The following PIK3R3 variants were observed in gnomAD, a reference collection of about 807,000 sequenced individuals.
The protein encoded by PIK3R3 is phosphatidylinositol 3-kinase regulatory subunit gamma.
Under a neutral mutation model 62.9 loss-of-function variants are expected in PIK3R3, and 64 were observed. The ratio of observed to expected loss-of-function variants is 1.02; its 90% CI spans 0.83 to 1.25. The LOEUF is 1.25. Ranked by LOEUF, PIK3R3 falls within the 50% of genes most tolerant of loss-of-function variation. The pLI, the probability that PIK3R3 is intolerant of heterozygous loss-of-function variation, is 0.00. For synonymous variants in PIK3R3, 165 were observed against 189.0 expected (o/e 0.87, Z 1.04); for missense variants, 614 against 561.6 (o/e 1.09, Z -0.94).
At chr1:46,172,852 G>A in the PIK3R3 span, among the ~76,000 whole-genome samples, 1 of 151,962 alleles carries the variant, frequency 6.6e-6, no homozygotes, top group Non-Finnish European at 1.5e-5. Context: ...AATTAGCCAG[G>A]CATGGTGGCA....
chr1:46,088,794 T>C (rs1192287562), intron 1 of PIK3R3, among the ~76,000 whole-genome samples: 1 of 145,892 alleles, frequency 6.9e-6, no homozygotes, highest in Non-Finnish European at 1.5e-5. Flanking sequence ...ACACAATGAA[T>C]GAAAAAGATC....
the PIK3R3 span, among the ~76,000 whole-genome samples, chr1:46,166,532 T>A: frequency 6.6e-6 from 1 of 152,040 alleles, no homozygotes; most frequent in East Asian, 1.9e-4. Flanking sequence ...CATACAAGCT[T>A]TTTACACCAC....
chr1:46,055,651 A>G, intron 7 of PIK3R3, 144 bp downstream of exon 7: 1 of 624,010 alleles, frequency 1.6e-6, no homozygotes, highest in Non-Finnish European at 2.8e-6. Flanking sequence ...ACAACTACCA[A>G]GGACACTTTC....
At chr1:46,157,040 C>A in the PIK3R3 span, among the ~76,000 whole-genome samples, 17 of 152,196 alleles carry the variant, frequency 1.1e-4, no homozygotes, top group Non-Finnish European at 2.2e-4. Flanking sequence ...GAACAGTCAC[C>A]TATGTTCAAG....
chr1:46,062,057 C>T lies in PIK3R3; in HGVS notation c.636G>A (p.Lys212=), dbSNP rs994258335. The change falls in exon 6 of 10, where the codon AAG becomes AAA. Residue 212 remains lysine (K), a synonymous_variant. Transcript: ENST00000262741. ...YTRTSQEIQM[K]RTAIEAFNET... is the part of the protein sequence containing the mutation. ...CATTAAAAGCTTCTATTGCAGTCCTCTTCATCTGTATTTCCTACAGGAGAG... is the reference window on the plus strand; with the variant it reads ...CATTAAAAGCTTCTATTGCAGTCCTTTTCATCTGTATTTCCTACAGGAGAG... 2 of 1,608,736 alleles carry T rather than the reference C, an allele frequency of 1.2e-6. No homozygotes were observed. The highest frequency in any genetic ancestry group is 1.3e-5 in the African/African-American group (1 of 74,612).
intron 1 of PIK3R3, among the ~76,000 whole-genome samples, chr1:46,082,340 G>T (rs1650675321): frequency 6.6e-6 from 1 of 152,168 alleles, no homozygotes; most frequent in Non-Finnish European, 1.5e-5. Context: ...CAATGTACAG[G>T]TCATGAGGGT....
chr1:46,108,930 C>T (rs371867385), intron 1 of PIK3R3, among the ~76,000 whole-genome samples: 1 of 152,148 alleles, frequency 6.6e-6, no homozygotes, highest in African/African-American at 2.4e-5. Context: ...GAGGCCAAGG[C>T]GGGCGGATCA....
chr1:46,156,743 A>C, the PIK3R3 span, among the ~76,000 whole-genome samples: 3 of 152,138 alleles, frequency 2.0e-5, no homozygotes, highest in Admixed American at 6.5e-5. Context: ...TAGCTGTCCA[A>C]ACCCACACTC....
At chr1:46,128,152 A>G (rs1233319844) in intron 1 of PIK3R3, among the ~76,000 whole-genome samples, 1 of 152,214 alleles carries the variant, frequency 6.6e-6, no homozygotes, top group East Asian at 1.9e-4. Flanking sequence ...TTAAGATGAA[A>G]GGCTAGGCAT....
At chr1:46,165,308 T>C in the PIK3R3 span, among the ~76,000 whole-genome samples, 223 of 148,994 alleles carry the variant, frequency 1.5e-3, no homozygotes, top group Middle Eastern at 3.4e-3. Context: ...TCTTCTTCTT[T>C]TTTTTTTTTT....
intron 1 of PIK3R3, among the ~76,000 whole-genome samples, chr1:46,092,111 A>G (rs1423940703): frequency 6.6e-6 from 1 of 152,128 alleles, no homozygotes; most frequent in Non-Finnish European, 1.5e-5. Context: ...ATTTGTCAAA[A>G]CTCAAAGAAC....
At chr1:46,050,138 A>T (rs1370323353) in intron 7 of PIK3R3, among the ~76,000 whole-genome samples, 1 of 151,624 alleles carries the variant, frequency 6.6e-6, no homozygotes, top group African/African-American at 2.4e-5. Flanking sequence ...AAAAAAAAAA[A>T]AATGAGGAAT....
chr1:46,081,017 T>C (rs967710688), intron 1 of PIK3R3, among the ~76,000 whole-genome samples: 2 of 152,140 alleles, frequency 1.3e-5, no homozygotes, highest in Non-Finnish European at 1.5e-5. Context: ...AAAGACAACA[T>C]GCAACCCCTT....
chr1:46,062,544 C>G (rs1648603626), intron 5 of PIK3R3, among the ~76,000 whole-genome samples: 1 of 151,488 alleles, frequency 6.6e-6, no homozygotes, highest in Non-Finnish European at 1.5e-5. Flanking sequence ...CACTGCACTC[C>G]AGCCTGGGCG....
At chr1:46,116,486 C>A (rs991630677) in intron 1 of PIK3R3, among the ~76,000 whole-genome samples, 1 of 152,190 alleles carries the variant, frequency 6.6e-6, no homozygotes, top group East Asian at 1.9e-4. Context: ...GCACCGCATG[C>A]TAGCTTGGGT....
chr1:46,152,546 A>T, the PIK3R3 span, among the ~76,000 whole-genome samples: 1 of 149,870 alleles, frequency 6.7e-6, no homozygotes, highest in African/African-American at 2.5e-5. Flanking sequence ...CTTGGATTGT[A>T]CGCTGATTAA....
At chr1:46,144,902 A>G in the PIK3R3 span, among the ~76,000 whole-genome samples, 1 of 152,036 alleles carries the variant, frequency 6.6e-6, no homozygotes, top group Non-Finnish European at 1.5e-5. Context: ...AGGCGGGTAG[A>G]TCACCGAGGT....
intron 1 of PIK3R3, among the ~76,000 whole-genome samples, chr1:46,090,328 ATT>A (rs1651498343): frequency 6.6e-6 from 1 of 151,154 alleles, no homozygotes; most frequent in Non-Finnish European, 1.5e-5. Flanking sequence ...TTATTTATTT[ATT>A]TATTTATTTA....
chr1:46,153,576 T>C, the PIK3R3 span, among the ~76,000 whole-genome samples: 1 of 152,230 alleles, frequency 6.6e-6, no homozygotes, highest in Non-Finnish European at 1.5e-5. Context: ...GTAACTGCTG[T>C]CCTGATACTA....
Sources: gnomAD v4.1 joint callset for allele counts (sites outside exome capture counted in the v4.1 genomes callset) on GRCh38, gnomAD v4.1.1 for gene constraint, MANE v1.5 for transcripts, NCBI Gene and HGNC (gene_info 2026-07-23, HGNC 2026-07-21) for gene names.